Variants in LRP1B observed in about 807,000 individuals in gnomAD.
LRP1B encodes LDL receptor related protein 1B, also known as low-density lipoprotein receptor-related protein 1B.
In LRP1B, 217 loss-of-function variants were observed where a neutral mutation model predicts 556.6. The observed-to-expected ratio is 0.39, with a 90% CI of 0.35 to 0.44. The LOEUF is 0.44. LRP1B is among the 20% of genes least tolerant of loss of function. LRP1B has a pLI of 1.00. For missense variants in LRP1B, 5,053 were observed against 5,620.8 expected, an observed-to-expected ratio of 0.90 and a Z score of 3.23; for synonymous variants, 2,047 against 1,865.8, an observed-to-expected ratio of 1.10 and a Z score of -2.50.
At chr2:141,774,291 G>T (rs543584516) in intron 2 of LRP1B, among the ~76,000 whole-genome samples, 1 of 152,252 alleles carries the variant, frequency 6.6e-6, no homozygotes, top group East Asian at 1.9e-4. Context: ...TATATAGGAA[G>T]TGTGGTGTTG....
At chr2:141,459,525 T>C (rs1053718324) in intron 3 of LRP1B, among the ~76,000 whole-genome samples, 2 of 152,138 alleles carry the variant, frequency 1.3e-5, no homozygotes, top group African/African-American at 4.8e-5. Context: ...GGTTTGGCTT[T>C]GTCCCCCGCT....
chr2:140,928,430 G>A (rs1694948645), intron 20 of LRP1B, among the ~76,000 whole-genome samples: 1 of 152,034 alleles, frequency 6.6e-6, no homozygotes, highest in Non-Finnish European at 1.5e-5. Context: ...TCCCTGTGGT[G>A]GTCATTCAAA....
chr2:140,688,624 A>T (rs1686131982), intron 41 of LRP1B, among the ~76,000 whole-genome samples: 1 of 152,142 alleles, frequency 6.6e-6, no homozygotes, highest in Admixed American at 6.6e-5. Context: ...GCTCTTCCCA[A>T]TCAGTAAGTG....
At chr2:141,781,154 T>G (rs1244733825) in intron 2 of LRP1B, among the ~76,000 whole-genome samples, 2 of 152,126 alleles carry the variant, frequency 1.3e-5, no homozygotes, top group Non-Finnish European at 2.9e-5. Flanking sequence ...TGCTCAGGTC[T>G]TCATCCACAA....
chr2:140,967,647 G>T (rs1345673008), intron 18 of LRP1B, among the ~76,000 whole-genome samples: 1 of 151,512 alleles, frequency 6.6e-6, no homozygotes, highest in Admixed American at 6.6e-5. Flanking sequence ...TCCAGTTTTT[G>T]CCCATTCAGT....
chr2:141,982,030 C>CCAAG (rs1702056698), intron 1 of LRP1B, among the ~76,000 whole-genome samples: 1 of 152,128 alleles, frequency 6.6e-6, no homozygotes, highest in Non-Finnish European at 1.5e-5. Flanking sequence ...CCATGTTAGA[C>CCAAG]TATCACTGAC....
At chr2:140,719,655 C>T (rs1687333343) in intron 35 of LRP1B, among the ~76,000 whole-genome samples, 1 of 151,968 alleles carries the variant, frequency 6.6e-6, no homozygotes, top group Non-Finnish European at 1.5e-5. Flanking sequence ...GTCACATGTA[C>T]TATAGGTAGT....
chr2:141,172,112 G>A (rs1335738746), intron 7 of LRP1B, among the ~76,000 whole-genome samples: 2 of 152,096 alleles, frequency 1.3e-5, no homozygotes, highest in East Asian at 3.9e-4. Flanking sequence ...TAGGTTACTT[G>A]ATATCACATA....
At chr2:141,692,436 T>C (rs1312079485) in intron 2 of LRP1B, among the ~76,000 whole-genome samples, 1 of 152,038 alleles carries the variant, frequency 6.6e-6, no homozygotes, top group Non-Finnish European at 1.5e-5. Flanking sequence ...TTTTGTCCTA[T>C]TCTTTGTTCC....
At chr2:141,584,563 A>G (rs1227435768) in intron 2 of LRP1B, among the ~76,000 whole-genome samples, 1 of 152,198 alleles carries the variant, frequency 6.6e-6, no homozygotes, top group African/African-American at 2.4e-5. Flanking sequence ...ATATGTATAT[A>G]TTTTTATTAA....
intron 87 of LRP1B, among the ~76,000 whole-genome samples, 183 bp from the exon 88 acceptor site, chr2:140,239,715 C>T (rs1471713378): frequency 6.6e-6 from 1 of 150,864 alleles, no homozygotes; most frequent in Non-Finnish European, 1.5e-5. Context: ...AACACTTGAT[C>T]TGATGGAAAT....
chr2:140,970,045 A>T (rs771579429), intron 18 of LRP1B, among the ~76,000 whole-genome samples: 2 of 152,050 alleles, frequency 1.3e-5, no homozygotes, highest in Non-Finnish European at 2.9e-5. Context: ...CATTCTCTGT[A>T]TTTCCTGAAT....
chr2:141,105,078 C>CA, intron 7 of LRP1B, among the ~76,000 whole-genome samples: 1 of 151,936 alleles, frequency 6.6e-6, no homozygotes, highest in African/African-American at 2.4e-5. Flanking sequence ...TAGTAATATC[C>CA]AATAAGTACT....
intron 2 of LRP1B, among the ~76,000 whole-genome samples, chr2:141,692,381 C>T (rs542228921): frequency 2.0e-5 from 3 of 152,074 alleles, no homozygotes; most frequent in East Asian, 3.9e-4. Context: ...TGTTTTTGCT[C>T]TCCACAAGGA....
intron 1 of LRP1B, among the ~76,000 whole-genome samples, chr2:141,926,189 C>T (rs990623829): frequency 6.6e-6 from 1 of 152,088 alleles, no homozygotes; most frequent in African/African-American, 2.4e-5. Flanking sequence ...AAATGTAAAT[C>T]ATTCTGAACA....
chr2:141,737,793 C>T (rs1693544770), intron 2 of LRP1B, among the ~76,000 whole-genome samples: 1 of 152,120 alleles, frequency 6.6e-6, no homozygotes, highest in Non-Finnish European at 1.5e-5. Flanking sequence ...GCATATTAAG[C>T]ATCCTCAGAA....
chr2:141,441,381 C>T (rs1397149403), intron 3 of LRP1B, among the ~76,000 whole-genome samples: 1 of 152,040 alleles, frequency 6.6e-6, no homozygotes, highest in African/African-American at 2.4e-5. Context: ...CCTGGCCAGC[C>T]CTGGGTTTTA....
chr2:140,867,682 T>C lies in LRP1B; in HGVS notation c.4487A>G (p.Asn1496Ser), dbSNP rs779792956. The C allele has an allele frequency of 3.7e-5, 59 of 1,613,534 alleles. 1 individual carries two copies. The South Asian group carries it at 5.7e-4, about 16-fold the overall frequency. ...ACTGACATTCTGCCCTGTCCACTTA[T>C]TGGCTTTGGACAATGTGTTGGTCCT... ...DWRTNTLSKA[N>S]KWTGQNVSVI... is the part of the protein sequence containing the mutation. The change falls in exon 27 of 91, where the codon AAT becomes AGT. Residue 1496 changes from asparagine (N) to serine (S), a missense_variant. Asn to Ser is a conservative substitution (Grantham distance 46, BLOSUM62 1). Around this residue, in one of 5 missense-constraint regions of LRP1B, gnomAD observed 3,619 missense variants for 3,931.9 expected, o/e 0.92. Transcript: ENST00000389484.
intron 83 of LRP1B, among the ~76,000 whole-genome samples, chr2:140,306,075 T>C (rs1295167509): frequency 7.6e-6 from 1 of 131,090 alleles, no homozygotes; most frequent in African/African-American, 2.6e-5. Flanking sequence ...TTCAGGATTT[T>C]TGCATCGATA....
Sources: gnomAD v4.1 joint callset for allele counts (sites outside exome capture counted in the v4.1 genomes callset) on GRCh38, gnomAD v4.1.1 for gene constraint, gnomAD v4.1.1 regional missense constraint, MANE v1.5 for transcripts, NCBI Gene and HGNC (gene_info 2026-07-23, HGNC 2026-07-21) for gene names.